MICAL2: variants seen among roughly 807,000 people sequenced by gnomAD.
The protein encoded by MICAL2 is [F-actin]-monooxygenase MICAL2.
Under a neutral mutation model 127.3 loss-of-function variants are expected in MICAL2, and 77 were observed. The ratio of observed to expected loss-of-function variants is 0.60; its 90% CI spans 0.50 to 0.73. MICAL2 has a LOEUF of 0.73. Ranked by LOEUF, MICAL2 falls within the 30% of genes least tolerant of loss-of-function variation. The probability of loss-of-function intolerance (pLI) is 0.00; values close to 1 mark genes in which losing one functional copy is unlikely to be tolerated. For synonymous variants in MICAL2, 570 were observed against 551.1 expected, an observed-to-expected ratio of 1.03 and a Z score of -0.48; for missense variants, 1,351 against 1,434.4, an observed-to-expected ratio of 0.94 and a Z score of 0.94.
At chr11:12,143,936 A>G (rs1418748605) in intron 2 of MICAL2, among the ~76,000 whole-genome samples, 1 of 152,178 alleles carries the variant, frequency 6.6e-6, no homozygotes, top group Non-Finnish European at 1.5e-5. Flanking sequence ...TGGCGGAGAG[A>G]GAGAGGGAAA....
chr11:12,333,905 A>C (rs948047163), intron 32 of MICAL2, among the ~76,000 whole-genome samples: 1 of 152,192 alleles, frequency 6.6e-6, no homozygotes, highest in Admixed American at 6.5e-5. Flanking sequence ...TGAAAAGTTG[A>C]TATAAGCCAT....
At position 12,186,477 on chromosome 11, in the gene MICAL2, A is replaced by G. The variant is rs1346369038; in HGVS notation, c.265-17773A>G. ...TGCACTGTATGTGTATATAAATACT[A>G]TATGTGACCTTCCCCTTTAAGATTA... On this transcript the variant is annotated intron_variant, in intron 3 of 27. Coordinates refer to ENST00000683283, the MANE Select transcript of MICAL2 (RefSeq NM_001282663.2). Among the ~76,000 whole-genome samples, 3 of 152,140 alleles carry G rather than the reference A, an allele frequency of 2.0e-5. No homozygotes were observed. The East Asian group carries it at 5.8e-4, about 29-fold the overall frequency.
chr11:12,361,300 T>A (rs748352392), downstream of MICAL2, among the ~76,000 whole-genome samples: 2 of 152,224 alleles, frequency 1.3e-5, no homozygotes, highest in Non-Finnish European at 2.9e-5. Flanking sequence ...TTATTTAACA[T>A]CCTCTGAATG....
intron 8 of MICAL2, among the ~76,000 whole-genome samples, chr11:12,217,735 C>T (rs566602589): frequency 5.6e-4 from 85 of 152,230 alleles, no homozygotes; most frequent in African/African-American, 2.0e-3. Flanking sequence ...GCTTCCCTGG[C>T]GGTTGTCAAA....
chr11:12,121,849 A>T (rs913274034), intron 1 of MICAL2, among the ~76,000 whole-genome samples: 1 of 152,150 alleles, frequency 6.6e-6, no homozygotes. Context: ...CTTTTGCTTT[A>T]TGTGATGGAA....
intron 22 of MICAL2, 103 bp downstream of exon 22, chr11:12,249,349 G>C (rs983306974): frequency 7.1e-6 from 5 of 704,204 alleles, no homozygotes; most frequent in African/African-American, 1.8e-5. Context: ...ATCAGCAGCA[G>C]TACAGTGCCT....
downstream of MICAL2, among the ~76,000 whole-genome samples, chr11:12,359,809 G>T (rs1281754748): frequency 6.6e-6 from 1 of 152,144 alleles, no homozygotes; most frequent in African/African-American, 2.4e-5. Context: ...AGAACTCTTG[G>T]TTGTGTATTT....
At chr11:12,354,936 G>C in intron 34 of MICAL2, 1 of 1,365,502 alleles carries the variant, frequency 7.3e-7, no homozygotes, top group Non-Finnish European at 1.0e-6. Context: ...TCCCAGAGTG[G>C]GGCGCTCTTC....
In MICAL2 at chr11:12,268,793, A is replaced by C. The variant is rs186745292; in HGVS notation, c.3335-7193A>C. On this transcript the variant is annotated intron_variant, in intron 24 of 34. Coordinates refer to the MICAL2 transcript ENST00000646065. ...ATCAGGAGGTTAGGAGATCGAGACC[A>C]TCCTGGCTAACATGGTGAAACACTG... Among the ~76,000 whole-genome samples the C allele has an allele frequency of 1.4e-4, 22 of 151,956 alleles. No homozygotes were observed. The East Asian group carries it at 4.3e-3, about 30-fold the overall frequency.
rs754957699 is a variant in MICAL2, at chr11:12,241,101, A to T, written c.2276A>T (p.His759Leu). 9 of 1,612,774 alleles carry T rather than the reference A, an allele frequency of 5.6e-6. No individual in the cohort carries two copies. The highest frequency in any genetic ancestry group is 7.6e-6 in the Non-Finnish European group (9 of 1,179,662). Reference protein sequence around the residue: ...VLCSSSGPPVHSCCPKPEEAT... With the variant: ...VLCSSSGPPVLSCCPKPEEAT... The stretch of plus-strand genomic sequence containing the variant: ...TGCTCTTCCTCCGGCCCTCCTGTTC[A>T]CTCTTGCTGCCCCAAGCCGGAGGAG... Residue 759 changes from histidine (H) to leucine (L), a missense_variant, in exon 18 of 28, where the codon CAC becomes CTC. Transcript: ENST00000683283.
At chr11:12,242,151 C>T in intron 18 of MICAL2, 63 bp from the exon 19 acceptor site, 1 of 1,371,202 alleles carries the variant, frequency 7.3e-7, no homozygotes, top group Non-Finnish European at 9.9e-7. Context: ...GGGGATCCCT[C>T]ATGGTGAGGG....
chr11:12,134,048 G>C (rs569232051), intron 1 of MICAL2, among the ~76,000 whole-genome samples: 1 of 152,356 alleles, frequency 6.6e-6, no homozygotes, highest in African/African-American at 2.4e-5. Context: ...TGAGGCACTA[G>C]TGGCATGACC....
chr11:12,270,520 GT>G (rs1362034292), intron 24 of MICAL2, among the ~76,000 whole-genome samples: 3 of 152,188 alleles, frequency 2.0e-5, no homozygotes, highest in African/African-American at 7.2e-5. Flanking sequence ...TCCCTCTGCT[GT>G]TGAGGGACAG....
intron 32 of MICAL2, among the ~76,000 whole-genome samples, chr11:12,340,692 T>C (rs1379593332): frequency 2.0e-5 from 3 of 152,228 alleles, no homozygotes; most frequent in South Asian, 2.1e-4. Context: ...CCGAATGTTA[T>C]ATATACAGCA....
At chr11:12,215,740 C>A (rs1057371006) in intron 7 of MICAL2, among the ~76,000 whole-genome samples, 2 of 152,172 alleles carry the variant, frequency 1.3e-5, no homozygotes, top group East Asian at 3.8e-4. Context: ...CCACTGCACT[C>A]GGGTTTTCAC....
intron 4 of MICAL2, 145 bp from the exon 5 acceptor site, chr11:12,207,878 G>T (rs1290986058): frequency 7.0e-5 from 46 of 654,634 alleles, no homozygotes; most frequent in Non-Finnish European, 3.0e-5. Context: ...CAGAGCTCTT[G>T]GTGCATAATC....
chr11:12,338,534 G>C (rs12791160), intron 32 of MICAL2, among the ~76,000 whole-genome samples: 2 of 151,876 alleles, frequency 1.3e-5, no homozygotes, highest in Non-Finnish European at 2.9e-5. Context: ...TAGTTGATGC[G>C]GTTTCTTCCT....
At chr11:12,119,430 T>C (rs957075470) in intron 1 of MICAL2, among the ~76,000 whole-genome samples, 1 of 152,198 alleles carries the variant, frequency 6.6e-6, no homozygotes, top group Admixed American at 6.5e-5. Flanking sequence ...AAATCCAGCC[T>C]GAGAGACCTT....
chr11:12,210,439 G>A (rs2134174616), intron 6 of MICAL2, among the ~76,000 whole-genome samples: 1 of 152,326 alleles, frequency 6.6e-6, no homozygotes, highest in South Asian at 2.1e-4. Context: ...TCACTCTGAG[G>A]ATGGGACATG....
Sources: allele counts gnomAD v4.1 joint callset (sites outside exome capture counted in the v4.1 genomes callset), GRCh38; gene constraint gnomAD v4.1.1; transcripts MANE v1.5; gene names NCBI Gene and HGNC (gene_info 2026-07-23, HGNC 2026-07-21).